The following VMP1 variants were observed in gnomAD, a reference collection of about 807,000 sequenced individuals.
The protein encoded by VMP1 is vacuole membrane protein 1, also known as ectopic P-granules autophagy protein 3 homolog.
Under a neutral mutation model 56.0 loss-of-function variants are expected in VMP1, and 11 were observed. The ratio of observed to expected loss-of-function variants is 0.20; its 90% CI spans 0.12 to 0.32. VMP1 has a LOEUF of 0.32. Among genes scored for constraint, VMP1 ranks in the 10% least tolerant of loss-of-function variants. The pLI is 1.00. For synonymous variants in VMP1, 149 were observed against 165.0 expected (o/e 0.90, Z 0.74); for missense variants, 296 against 490.3 (o/e 0.60, Z 3.74).
At position 59,773,803 on chromosome 17, in the gene VMP1, C is replaced by G; in HGVS notation, c.632C>G (p.Ala211Gly). Residue 211 changes from alanine to glycine, a missense_variant, in exon 7 of 12, where the codon GCA becomes GGA. By Grantham distance (60) the Ala-to-Gly change is moderately conservative. This residue lies in a region of VMP1 where 126 missense variants were observed against 231.6 expected (regional missense o/e 0.54). Transcript: ENST00000262291. ...CTGCCTCCATATTTCATGGCCAGAG[C>G]AGCTCGCCTCTCAGGTGCTGAACCA... Reference protein sequence around the residue: ...GELPPYFMARAARLSGAEPDD... With the variant: ...GELPPYFMARGARLSGAEPDD... 1.2e-6 allele frequency: 2 copies of G among 1,613,414 alleles called. No homozygotes were observed. Among genetic ancestry groups the G allele is most frequent in the Non-Finnish European group, 1.7e-6 (2 of 1,179,760 alleles).
At chr17:59,838,242 G>C in intron 10 of VMP1, 53 bp from the exon 11 acceptor site, 1 of 1,508,208 alleles carries the variant, frequency 6.6e-7, no homozygotes, top group South Asian at 1.2e-5. Flanking sequence ...CGTTTTTCCT[G>C]CTTTTCTTCC....
At chr17:59,739,499 C>T (rs1475320006) in intron 5 of VMP1, among the ~76,000 whole-genome samples, 1 of 151,614 alleles carries the variant, frequency 6.6e-6, no homozygotes, top group Non-Finnish European at 1.5e-5. Flanking sequence ...CCAAGGCGGG[C>T]AGATCATGAG....
intron 10 of VMP1, among the ~76,000 whole-genome samples, chr17:59,818,850 CG>C (rs1331986199): frequency 6.6e-6 from 1 of 152,000 alleles, no homozygotes; most frequent in Non-Finnish European, 1.5e-5. Flanking sequence ...AGCTGCCCCA[CG>C]GGGGAAATGT....
chr17:59,754,039 T>C (rs2035750100), intron 5 of VMP1, among the ~76,000 whole-genome samples: 2 of 152,194 alleles, frequency 1.3e-5, no homozygotes, highest in Admixed American at 6.5e-5. Flanking sequence ...TGTTATAAAT[T>C]AGATACAAAG....
At chr17:59,793,914 C>T (rs995692003) in intron 7 of VMP1, among the ~76,000 whole-genome samples, 3 of 150,864 alleles carry the variant, frequency 2.0e-5, no homozygotes, top group East Asian at 2.0e-4. Context: ...CGTGAGCCAC[C>T]GCATTTGCCC....
intron 7 of VMP1, 95 bp downstream of exon 7, chr17:59,773,980 T>G: frequency 1.7e-6 from 2 of 1,157,302 alleles, no homozygotes; most frequent in Non-Finnish European, 1.1e-6. Context: ...AGAAGAAAAC[T>G]GCTAAAGTAA....
chr17:59,791,896 T>C (rs1454714819), intron 7 of VMP1, among the ~76,000 whole-genome samples: 1 of 152,230 alleles, frequency 6.6e-6, no homozygotes, highest in Non-Finnish European at 1.5e-5. Context: ...TAGCATCTCC[T>C]AGTTTAGATA....
At chr17:59,821,093 C>T (rs1012314916) in intron 10 of VMP1, among the ~76,000 whole-genome samples, 2 of 151,744 alleles carry the variant, frequency 1.3e-5, no homozygotes, top group African/African-American at 4.8e-5. Context: ...GCCTCAGCCC[C>T]CCGAGTAGCT....
chr17:59,819,970 A>C (rs1010038823), intron 10 of VMP1, among the ~76,000 whole-genome samples: 1 of 152,208 alleles, frequency 6.6e-6, no homozygotes, highest in African/African-American at 2.4e-5. Flanking sequence ...TACATTACTT[A>C]GCTACTTGTT....
chr17:59,841,444 T>G lies in VMP1; in HGVS notation c.*1533T>G, dbSNP rs1307401884. The G allele has an allele frequency of 6.0e-6, 2 of 335,824 alleles. No homozygotes were observed. The highest frequency in any genetic ancestry group is 2.1e-5 in the African/African-American group (1 of 48,526). The allele number at this position is 335,824 out of a possible 1,614,324, so 20.8% of individuals were successfully genotyped here. A position where few individuals can be genotyped will look rare whatever the true frequency, so the allele number is the denominator to read the frequency against. On this transcript the variant is annotated 3_prime_UTR_variant, in exon 12 of 12. Transcript: ENST00000262291. The stretch of plus-strand genomic sequence containing the variant: ...TCTGGTCCTTCTGTCTGGTGGCACT[T>G]AGAGTCTTTTGTGCCATAATGCAGC...
chr17:59,754,748 C>T (rs79680325), intron 5 of VMP1, among the ~76,000 whole-genome samples: 209 of 152,284 alleles, frequency 1.4e-3, no homozygotes, highest in African/African-American at 4.8e-3. Flanking sequence ...TTCTCCCTGT[C>T]TTTCCCTAAG....
intron 1 of VMP1, among the ~76,000 whole-genome samples, chr17:59,710,633 A>C (rs2033882226): frequency 6.6e-6 from 1 of 152,244 alleles, no homozygotes; most frequent in South Asian, 2.1e-4. Context: ...TAATAGATTA[A>C]GGAAAGAAAA....
intron 7 of VMP1, among the ~76,000 whole-genome samples, chr17:59,803,364 A>C (rs528006108): frequency 5.3e-5 from 8 of 152,160 alleles, no homozygotes; most frequent in African/African-American, 1.9e-4. Flanking sequence ...TTAGTCTTGT[A>C]GTGCTTGGGA....
intron 1 of VMP1, among the ~76,000 whole-genome samples, chr17:59,727,388 C>G (rs1419057548): frequency 6.6e-6 from 1 of 152,140 alleles, no homozygotes; most frequent in Non-Finnish European, 1.5e-5. Flanking sequence ...CCCGCCTCAG[C>G]CTTCGAAAAT....
intron 8 of VMP1, among the ~76,000 whole-genome samples, chr17:59,810,946 G>A (rs975670705): frequency 5.3e-5 from 8 of 152,196 alleles, no homozygotes; most frequent in Non-Finnish European, 8.8e-5. Context: ...TTCTTAAAAT[G>A]TGGGAATGTT....
At chr17:59,745,987 A>C (rs1333900492) in intron 5 of VMP1, among the ~76,000 whole-genome samples, 8 of 152,196 alleles carry the variant, frequency 5.3e-5, no homozygotes, top group Non-Finnish European at 1.2e-4. Flanking sequence ...TTGTGTTTAG[A>C]ATGAATGATT....
At chr17:59,813,269 T>C (rs1232435321) in intron 9 of VMP1, among the ~76,000 whole-genome samples, 1 of 152,142 alleles carries the variant, frequency 6.6e-6, no homozygotes, top group African/African-American at 2.4e-5. Flanking sequence ...ATTACAGTGC[T>C]AGTTACTATG....
At chr17:59,787,230 T>G (rs1328303364) in intron 7 of VMP1, among the ~76,000 whole-genome samples, 1 of 152,234 alleles carries the variant, frequency 6.6e-6, no homozygotes, top group East Asian at 1.9e-4. Context: ...TAGCATGATT[T>G]ATAGTGGAAT....
chr17:59,753,774 A>AT (rs2143923398), intron 5 of VMP1, among the ~76,000 whole-genome samples: 1 of 152,348 alleles, frequency 6.6e-6, no homozygotes, highest in East Asian at 1.9e-4. Context: ...ATATTTAGCT[A>AT]TAAGTAGAAG....
Sources: gnomAD v4.1 joint callset for allele counts (sites outside exome capture counted in the v4.1 genomes callset) on GRCh38, gnomAD v4.1.1 for gene constraint, gnomAD v4.1.1 regional missense constraint, MANE v1.5 for transcripts, NCBI Gene and HGNC (gene_info 2026-07-23, HGNC 2026-07-21) for gene names.